PRKN: variants seen among roughly 807,000 people sequenced by gnomAD.
The protein encoded by PRKN is parkin RBR E3 ubiquitin protein ligase, also known as E3 ubiquitin-protein ligase parkin.
Under a neutral mutation model 59.5 loss-of-function variants are expected in PRKN, and 56 were observed. The observed-to-expected ratio is 0.94, with a 90% CI of 0.76 to 1.18. The LOEUF is 1.18. Ranked by LOEUF, PRKN falls within the 50% of genes most tolerant of loss-of-function variation. PRKN has a pLI of 0.00. For missense variants in PRKN, 657 were observed against 596.4 expected (o/e 1.10, Z -1.06); for synonymous variants, 250 against 222.1 (o/e 1.13, Z -1.12).
At chr6:162,423,568 G>A (rs1789082134) in intron 2 of PRKN, among the ~76,000 whole-genome samples, 2 of 152,120 alleles carry the variant, frequency 1.3e-5, no homozygotes, top group Non-Finnish European at 2.9e-5. Context: ...CCTCATTTGA[G>A]TATATAATCT....
At chr6:161,867,231 A>T (rs755769730) in intron 6 of PRKN, among the ~76,000 whole-genome samples, 10 of 152,144 alleles carry the variant, frequency 6.6e-5, no homozygotes, top group Non-Finnish European at 1.0e-4. Context: ...TTTTTCTGTA[A>T]AACATGTAGA....
chr6:162,656,725 A>C (rs1180995203), intron 1 of PRKN, among the ~76,000 whole-genome samples: 6 of 152,202 alleles, frequency 3.9e-5, no homozygotes. Context: ...CACAATCCTG[A>C]AACAGCTTTA....
chr6:162,622,313 T>TTTTTTG (rs1782708740), intron 1 of PRKN, among the ~76,000 whole-genome samples: 5 of 151,076 alleles, frequency 3.3e-5, no homozygotes, highest in Non-Finnish European at 5.9e-5. Flanking sequence ...GTTTTGTTTT[T>TTTTTTG]TTTTGGTAGC....
At chr6:162,315,642 C>A (rs1782724633) in intron 2 of PRKN, among the ~76,000 whole-genome samples, 1 of 152,146 alleles carries the variant, frequency 6.6e-6, no homozygotes. Context: ...CATGGGCATT[C>A]ACTACCCACA....
At chr6:161,559,257 G>A (rs1033881846) in intron 8 of PRKN, among the ~76,000 whole-genome samples, 22 of 152,018 alleles carry the variant, frequency 1.4e-4, no homozygotes, top group African/African-American at 4.3e-4. Context: ...TGTGTGACAC[G>A]GAGCAGCACC....
Position 161,388,432 on chromosome 6 carries a change from A to G in PRKN, c.1084-1555T>C, listed in dbSNP as rs1039907286. Among the ~76,000 whole-genome samples the G allele has an allele frequency of 6.6e-6, 1 of 152,230 alleles. No individual in the cohort carries two copies. Among genetic ancestry groups the G allele is most frequent in the African/African-American group, 2.4e-5 (1 of 41,468 alleles). On this transcript the variant is annotated intron_variant, in intron 9 of 11. Transcript: ENST00000366898. The surrounding 1 kb of genome is among the most constrained non-coding windows in gnomAD (Gnocchi z 4.3). ...TTCTTTCAATGGAACTTTCTTTAAT[A>G]AGTTGTAGGCAACATCTCCCACAGC...
intron 5 of PRKN, among the ~76,000 whole-genome samples, chr6:162,021,461 A>ATATATTT (rs59250759): frequency 1.2e-4 from 3 of 24,646 alleles, no homozygotes; most frequent in Non-Finnish European, 2.1e-4. Flanking sequence ...ATATATATAT[A>ATATATTT]TTTTTTTTTT....
At chr6:162,093,673 G>A (rs762625268) in intron 4 of PRKN, among the ~76,000 whole-genome samples, 4 of 152,140 alleles carry the variant, frequency 2.6e-5, no homozygotes, top group Non-Finnish European at 5.9e-5. Context: ...ACATTTATGT[G>A]AAGTAGTCAC....
At chr6:162,602,881 G>T (rs1200394508) in intron 1 of PRKN, among the ~76,000 whole-genome samples, 1 of 152,144 alleles carries the variant, frequency 6.6e-6, no homozygotes, top group Non-Finnish European at 1.5e-5. Context: ...TGGTGTTCTT[G>T]GCTTGGCGAT....
chr6:162,541,213 G>A (rs1312776702), intron 1 of PRKN, among the ~76,000 whole-genome samples: 1 of 152,208 alleles, frequency 6.6e-6, no homozygotes, highest in African/African-American at 2.4e-5. Flanking sequence ...AGACAGACAC[G>A]AGGCTGAGTA....
rs200176594 is a variant in PRKN, at chr6:162,193,037, C to A, written c.534+8094G>T. Among the ~76,000 whole-genome samples, 7 of 152,086 alleles carry A rather than the reference C, an allele frequency of 4.6e-5. No individual in the cohort carries two copies. The East Asian group carries it at 7.7e-4, about 17-fold the overall frequency. ...AGTAGTGAGTAAAATCATTACCAAACAAACAAAAAACAGTTATCATTACAG... is the reference window on the plus strand; with the variant it reads ...AGTAGTGAGTAAAATCATTACCAAAAAAACAAAAAACAGTTATCATTACAG... On this transcript the variant is annotated intron_variant, in intron 4 of 11. Transcript: ENST00000366898.
At chr6:162,166,592 G>A (rs1304426471) in intron 4 of PRKN, among the ~76,000 whole-genome samples, 5 of 152,160 alleles carry the variant, frequency 3.3e-5, no homozygotes, top group Admixed American at 2.6e-4. Flanking sequence ...ATTTCGAGGT[G>A]AAGTATACTC....
chr6:162,341,427 A>T (rs1784173458), intron 2 of PRKN, among the ~76,000 whole-genome samples: 1 of 152,198 alleles, frequency 6.6e-6, no homozygotes, highest in South Asian at 2.1e-4. Flanking sequence ...AAAGGATTAT[A>T]AATCATTCTA....
chr6:161,897,835 C>T (rs12663964), intron 6 of PRKN, among the ~76,000 whole-genome samples: 51 of 150,360 alleles, frequency 3.4e-4, no homozygotes, highest in East Asian at 9.8e-4. Flanking sequence ...GGCGTAGTGG[C>T]GGGCGCCTGT....
chr6:161,680,763 ATATATATATATATTT>A (rs1181378580), intron 7 of PRKN, among the ~76,000 whole-genome samples: 14 of 10,160 alleles, frequency 1.4e-3, no homozygotes, highest in African/African-American at 4.4e-3. Flanking sequence ...ATATATATAT[ATATATATATATATTT>A]TTTTTTTTTT....
intron 1 of PRKN, among the ~76,000 whole-genome samples, chr6:162,643,438 T>C (rs377743712): frequency 9.9e-4 from 148 of 149,386 alleles, no homozygotes; most frequent in African/African-American, 3.2e-3. Flanking sequence ...AACAAGCATA[T>C]TTTTCACTAT....
intron 2 of PRKN, among the ~76,000 whole-genome samples, chr6:162,263,753 A>C (rs1168765147): frequency 2.0e-5 from 3 of 148,756 alleles, no homozygotes; most frequent in East Asian, 2.0e-4. Context: ...CAGGAGTTCG[A>C]GAAGAGCCTG....
chr6:161,398,491 T>G (rs183455776), intron 9 of PRKN, among the ~76,000 whole-genome samples: 1 of 152,272 alleles, frequency 6.6e-6, no homozygotes, highest in African/African-American at 2.4e-5. Flanking sequence ...CCGAGTGACT[T>G]GTATGCACCA....
chr6:162,279,459 AAG>A (rs540956762), intron 2 of PRKN, among the ~76,000 whole-genome samples: 4 of 151,136 alleles, frequency 2.6e-5, no homozygotes, highest in African/African-American at 9.8e-5. Context: ...GACAGAAACA[AAG>A]AGAGAAGAGA....
Sources: gnomAD v4.1 joint callset for allele counts (sites outside exome capture counted in the v4.1 genomes callset) on GRCh38, gnomAD v4.1.1 for gene constraint, Gnocchi (gnomAD v3.1) non-coding constraint, MANE v1.5 for transcripts, NCBI Gene and HGNC (gene_info 2026-07-23, HGNC 2026-07-21) for gene names.